COBLL1: variants seen among roughly 807,000 people sequenced by gnomAD.
COBLL1 encodes cordon-bleu WH2 repeat protein like 1, also known as cordon-bleu protein-like 1.
Under a neutral mutation model 94.8 loss-of-function variants are expected in COBLL1, and 50 were observed. The observed-to-expected ratio is 0.53, with a 90% CI of 0.42 to 0.67. The LOEUF is 0.67. Among genes scored for constraint, COBLL1 ranks in the 30% least tolerant of loss-of-function variants. The pLI, the probability that COBLL1 is intolerant of heterozygous loss-of-function variation, is 0.00. For missense variants in COBLL1, 1,362 were observed against 1,348.7 expected, an observed-to-expected ratio of 1.01 and a Z score of -0.15; for synonymous variants, 448 against 473.8, an observed-to-expected ratio of 0.95 and a Z score of 0.71.
chr2:164,819,438 T>C (rs1269404925), intron 2 of COBLL1, among the ~76,000 whole-genome samples: 1 of 152,136 alleles, frequency 6.6e-6, no homozygotes, highest in African/African-American at 2.4e-5. Flanking sequence ...TTTTAAGAGT[T>C]TGTCAAATAC....
Position 164,841,151 on chromosome 2 carries a change from C to T in COBLL1, c.41+5G>A. 8.1e-7 allele frequency: 1 copy of T among 1,230,278 alleles called. No individual in the cohort carries two copies. Among genetic ancestry groups the T allele is most frequent in the South Asian group, 4.1e-5 (1 of 24,332 alleles). 76.2% of individuals were successfully genotyped at this position (1,230,278 alleles called of 1,614,324 possible). The stretch of plus-strand genomic sequence containing the variant: ...GTGAGAGGCGGCGCGGCGCTCTGGG[C>T]TTACCTGGCTGGGGCGTCCTGCGGG... On this transcript the variant is annotated splice_donor_5th_base_variant and intron_variant, in intron 2 of 13. Transcript: ENST00000652658. This position sits in a 1 kb window ranked among gnomAD's most constrained non-coding sequence, Gnocchi z 5.5.
intron 2 of COBLL1, among the ~76,000 whole-genome samples, chr2:164,771,070 A>T (rs894497510): frequency 6.6e-6 from 1 of 152,006 alleles, no homozygotes; most frequent in East Asian, 1.9e-4. Flanking sequence ...TATTTTCTTA[A>T]TTGCCTTCTA....
At chr2:164,702,426 T>C (rs868286242) in intron 9 of COBLL1, among the ~76,000 whole-genome samples, 1 of 151,170 alleles carries the variant, frequency 6.6e-6, no homozygotes, top group African/African-American at 2.4e-5. Flanking sequence ...TAGCCAGGTG[T>C]GGTGGCGGGC....
intron 2 of COBLL1, among the ~76,000 whole-genome samples, chr2:164,785,846 G>T (rs1042732499): frequency 6.6e-6 from 1 of 151,290 alleles, no homozygotes; most frequent in African/African-American, 2.4e-5. Flanking sequence ...TGATTCAGGG[G>T]CATAGGCTAC....
chr2:164,700,498 C>T (rs1684193651), intron 10 of COBLL1, 24 bp downstream of exon 10: 2 of 1,445,520 alleles, frequency 1.4e-6, no homozygotes, highest in African/African-American at 1.4e-5. Context: ...CGGCCACCAA[C>T]ACTCCAGCAC....
intron 2 of COBLL1, among the ~76,000 whole-genome samples, chr2:164,807,977 GC>G (rs1436534022): frequency 1.3e-5 from 2 of 151,910 alleles, no homozygotes; most frequent in African/African-American, 4.8e-5. Context: ...GCACCACCAC[GC>G]CCAGCTAATT....
intron 7 of COBLL1, among the ~76,000 whole-genome samples, chr2:164,706,217 G>A (rs1170658947): frequency 6.6e-6 from 1 of 152,096 alleles, no homozygotes; most frequent in Non-Finnish European, 1.5e-5. Flanking sequence ...ACTCACTTAT[G>A]AGACCTATTA....
chr2:164,796,320 TGG>T (rs887027022), intron 2 of COBLL1, among the ~76,000 whole-genome samples: 6 of 152,102 alleles, frequency 3.9e-5, no homozygotes, highest in African/African-American at 1.4e-4. Flanking sequence ...AAGGAAGGAC[TGG>T]GTATATATGA....
At chr2:164,837,452 A>C in intron 2 of COBLL1, 1 of 466,580 alleles carries the variant, frequency 2.1e-6, no homozygotes, top group Non-Finnish European at 4.4e-6. Flanking sequence ...CTCTTCTCCA[A>C]TGCAGCATTT....
intron 2 of COBLL1, among the ~76,000 whole-genome samples, chr2:164,751,084 G>A (rs1021195234): frequency 3.3e-5 from 5 of 152,010 alleles, no homozygotes; most frequent in Non-Finnish European, 5.9e-5. Flanking sequence ...ACTTCAAATT[G>A]CCTGCTCCTT....
At chr2:164,697,696 T>A (rs1266372671) in intron 11 of COBLL1, 1 of 152,170 alleles carries the variant, frequency 6.6e-6, no homozygotes, top group Non-Finnish European at 1.5e-5. Context: ...CTCTTTTTCA[T>A]ATTTTTGGTA....
chr2:164,818,605 G>GTACATATGTACACATATATAGCGTATA (rs1559046651), intron 2 of COBLL1, among the ~76,000 whole-genome samples: 2 of 138,280 alleles, frequency 1.4e-5, no homozygotes, highest in Non-Finnish European at 3.1e-5. Context: ...TATAGCATAT[G>GTACATATGTACACATATATAGCGTATA]TGTACATATG....
intron 5 of COBLL1, among the ~76,000 whole-genome samples, chr2:164,727,361 G>A (rs1318857701): frequency 1.3e-5 from 2 of 151,948 alleles, no homozygotes; most frequent in Non-Finnish European, 2.9e-5. Context: ...TTGAATAAAT[G>A]TTTGCATTTG....
intron 2 of COBLL1, among the ~76,000 whole-genome samples, chr2:164,801,467 A>AAAAAAAAAAAAC (rs1683797107): frequency 7.8e-6 from 1 of 128,346 alleles, no homozygotes; most frequent in African/African-American, 3.2e-5. Context: ...AAAAAAAAAA[A>AAAAAAAAAAAAC]AAGCTTAGCT....
rs539212298 is a variant in COBLL1 at position 164,700,506 on chromosome 2, C to A, written c.1460+16G>T. On this transcript the variant is annotated intron_variant, in intron 10 of 13. Transcript: ENST00000652658. ...AAACTAACGGCCACCAACACTCCAGCACAGAGACTACTTACTGTCCATCTG... is the reference window on the plus strand; with the variant it reads ...AAACTAACGGCCACCAACACTCCAGAACAGAGACTACTTACTGTCCATCTG... 1.6e-5 allele frequency: 25 copies of A among 1,534,246 alleles called. No individual in the cohort carries two copies. The South Asian group carries it at 2.4e-4, about 15-fold the overall frequency.
chr2:164,818,362 A>G (rs184710467), intron 2 of COBLL1, among the ~76,000 whole-genome samples: 62 of 149,430 alleles, frequency 4.1e-4, no homozygotes, highest in African/African-American at 1.5e-3. Flanking sequence ...GCATATACGT[A>G]TGTGTACATG....
At chr2:164,779,776 A>G (rs1013878686) in intron 2 of COBLL1, 1 of 470,222 alleles carries the variant, frequency 2.1e-6, no homozygotes, top group African/African-American at 2.0e-5. Context: ...CTCTGTCCCA[A>G]TAACTGAGCC....
At chr2:164,787,209 A>T (rs1354800041) in intron 2 of COBLL1, among the ~76,000 whole-genome samples, 1 of 152,170 alleles carries the variant, frequency 6.6e-6, no homozygotes, top group African/African-American at 2.4e-5. Flanking sequence ...ACCATTCAAC[A>T]TCCTACCTAG....
At chr2:164,721,064 T>G (rs1117982) in intron 7 of COBLL1, among the ~76,000 whole-genome samples, 4 of 152,114 alleles carry the variant, frequency 2.6e-5, no homozygotes, top group Admixed American at 1.3e-4. Context: ...TTGAGTTGCA[T>G]GTATGATAGC....
Sources: gnomAD v4.1 joint callset for allele counts (sites outside exome capture counted in the v4.1 genomes callset) on GRCh38, gnomAD v4.1.1 for gene constraint, Gnocchi (gnomAD v3.1) non-coding constraint, MANE v1.5 for transcripts, NCBI Gene and HGNC (gene_info 2026-07-23, HGNC 2026-07-21) for gene names.